Variants in CNTNAP2 observed in about 807,000 individuals in gnomAD.
CNTNAP2 encodes the protein contactin associated protein 2.
CNTNAP2 carries 98 observed loss-of-function variants against 155.2 expected under a neutral mutation model. That is an observed-to-expected ratio of 0.63 (90% CI 0.54 to 0.75). CNTNAP2 has a LOEUF of 0.75. CNTNAP2 is among the 30% of genes least tolerant of loss of function. The pLI is 0.00. For synonymous variants in CNTNAP2, 651 were observed against 631.2 expected (o/e 1.03, Z -0.47); for missense variants, 1,727 against 1,688.1 (o/e 1.02, Z -0.40).
At chr7:147,157,879 G>GT (rs1315251270) in intron 8 of CNTNAP2, among the ~76,000 whole-genome samples, 1 of 151,890 alleles carries the variant, frequency 6.6e-6, no homozygotes. Flanking sequence ...TAATTCAAAG[G>GT]TTTATATTCT....
intron 22 of CNTNAP2, among the ~76,000 whole-genome samples, chr7:148,398,736 C>T (rs1032069705): frequency 3.9e-5 from 6 of 152,120 alleles, no homozygotes; most frequent in Non-Finnish European, 5.9e-5. Flanking sequence ...AGTCCAAAGC[C>T]CTTACTGATA....
chr7:147,283,179 A>T (rs1805084697), intron 8 of CNTNAP2, among the ~76,000 whole-genome samples: 1 of 151,952 alleles, frequency 6.6e-6, no homozygotes, highest in Non-Finnish European at 1.5e-5. Context: ...TTTTAAAGAT[A>T]ACAGTGACTC....
At chr7:147,632,046 C>T (rs1179653346) in intron 12 of CNTNAP2, among the ~76,000 whole-genome samples, 1 of 152,112 alleles carries the variant, frequency 6.6e-6, no homozygotes, top group South Asian at 2.1e-4. Flanking sequence ...AAACAGACAA[C>T]CCACAGTGGG....
intron 13 of CNTNAP2, among the ~76,000 whole-genome samples, chr7:147,705,454 G>T (rs1740930336): frequency 6.6e-6 from 1 of 152,066 alleles, no homozygotes; most frequent in South Asian, 2.1e-4. Flanking sequence ...CTTCAGACTT[G>T]TTCTGTTTCC....
chr7:147,817,503 T>G (rs926784688), intron 13 of CNTNAP2, among the ~76,000 whole-genome samples: 1 of 152,174 alleles, frequency 6.6e-6, no homozygotes, highest in Non-Finnish European at 1.5e-5. Flanking sequence ...GCAGTGTATA[T>G]TGCTCAGTTG....
At chr7:146,401,337 G>A (rs1795710609) in intron 1 of CNTNAP2, among the ~76,000 whole-genome samples, 1 of 152,098 alleles carries the variant, frequency 6.6e-6, no homozygotes, top group Admixed American at 6.5e-5. Flanking sequence ...GCAAGTAACG[G>A]AGCTGGTGGC....
At chr7:146,830,011 C>T (rs968648412) in intron 2 of CNTNAP2, among the ~76,000 whole-genome samples, 6 of 151,966 alleles carry the variant, frequency 3.9e-5, no homozygotes, top group Non-Finnish European at 7.4e-5. Context: ...CTTGTTTATA[C>T]ATTAACAAAA....
At chr7:146,132,271 A>G (rs1797725434) in intron 1 of CNTNAP2, among the ~76,000 whole-genome samples, 1 of 152,132 alleles carries the variant, frequency 6.6e-6, no homozygotes, top group South Asian at 2.1e-4. Context: ...CAGAGTTGGT[A>G]TTGGGGAGGT....
At chr7:146,270,571 A>ATT (rs1800065832) in intron 1 of CNTNAP2, among the ~76,000 whole-genome samples, 1 of 152,166 alleles carries the variant, frequency 6.6e-6, no homozygotes, top group Admixed American at 6.5e-5. Context: ...AAAGAAGATA[A>ATT]CTTTTAAACA....
At chr7:146,263,817 G>A (rs1159064134) in intron 1 of CNTNAP2, among the ~76,000 whole-genome samples, 1 of 152,252 alleles carries the variant, frequency 6.6e-6, no homozygotes, top group East Asian at 1.9e-4. Flanking sequence ...ACATCTCAAT[G>A]TTCACCCATT....
intron 3 of CNTNAP2, among the ~76,000 whole-genome samples, chr7:146,989,873 T>C (rs917047134): frequency 3.9e-5 from 6 of 152,050 alleles, no homozygotes; most frequent in Non-Finnish European, 8.8e-5. Flanking sequence ...ATAGGTGTTG[T>C]CACCCCAATC....
chr7:148,226,460 G>A (rs1184028302), intron 19 of CNTNAP2, among the ~76,000 whole-genome samples: 1 of 152,028 alleles, frequency 6.6e-6, no homozygotes, highest in African/African-American at 2.4e-5. Flanking sequence ...GGCTGCAGCT[G>A]GCACCAAGGA....
chr7:147,273,167 G>T (rs564135572), intron 8 of CNTNAP2, among the ~76,000 whole-genome samples: 37 of 152,196 alleles, frequency 2.4e-4, no homozygotes, highest in African/African-American at 8.7e-4. Flanking sequence ...CAATCTAAAC[G>T]GGCGGGATTG....
At chr7:147,183,621 A>G (rs916067327) in intron 8 of CNTNAP2, among the ~76,000 whole-genome samples, 2 of 152,150 alleles carry the variant, frequency 1.3e-5, no homozygotes, top group African/African-American at 4.8e-5. Flanking sequence ...ATGTAACAAA[A>G]TAGTGTGAAA....
At chr7:147,592,734 A>G (rs1160963341) in intron 12 of CNTNAP2, among the ~76,000 whole-genome samples, 1 of 152,216 alleles carries the variant, frequency 6.6e-6, no homozygotes, top group Non-Finnish European at 1.5e-5. Flanking sequence ...AAAATGCATA[A>G]CAAGGCATAG....
In CNTNAP2 at chr7:146,352,786, T is replaced by G. The variant is rs367991911; in HGVS notation, c.97+235813T>G. ...TTTTTTTTTTTCGAGACAGAGTCTC[T>G]CTCTGTCGCCCAGGCTGGAGTTCAG... On this transcript the variant is annotated intron_variant, in intron 1 of 23. Coordinates refer to ENST00000361727, the MANE Select transcript of CNTNAP2 (RefSeq NM_014141.6). Among the ~76,000 whole-genome samples, 62 of 128,438 alleles carry G rather than the reference T, an allele frequency of 4.8e-4. No homozygotes were observed. In the East Asian group the frequency reaches 8.0e-3, roughly 17 times the overall value. 84.3% of individuals were successfully genotyped at this position (128,438 alleles called of 152,430 possible). A position where few individuals can be genotyped will look rare whatever the true frequency, so the allele number is the denominator to read the frequency against.
chr7:147,108,080 A>ACACC, intron 4 of CNTNAP2, 67 bp from the exon 5 acceptor site: 1 of 1,365,420 alleles, frequency 7.3e-7, no homozygotes, highest in South Asian at 1.2e-5. Context: ...TTCTTTGCAG[A>ACACC]CACCTGTTGG....
Position 147,561,421 on chromosome 7 carries a change from G to A in CNTNAP2, c.1778-717G>A, listed in dbSNP as rs575256293. Among the ~76,000 whole-genome samples, 54 of 152,230 alleles carry A rather than the reference G, an allele frequency of 3.5e-4. No homozygotes were observed. In the South Asian group the frequency reaches 6.6e-3, roughly 19 times the overall value. On this transcript the variant is annotated intron_variant, in intron 11 of 23. Coordinates refer to ENST00000361727, the MANE Select transcript of CNTNAP2 (RefSeq NM_014141.6). ...CTACAAAGGAGATATGTAAATGTCC[G>A]TTTTGTACTTCTGAAAACAGGTGCA...
At chr7:146,392,818 A>G (rs916454921) in intron 1 of CNTNAP2, among the ~76,000 whole-genome samples, 5 of 128,010 alleles carry the variant, frequency 3.9e-5, no homozygotes, top group African/African-American at 1.7e-4. Flanking sequence ...GTGCCTTCAT[A>G]TAAAGACTCT....
Sources: gnomAD v4.1 joint callset for allele counts (sites outside exome capture counted in the v4.1 genomes callset) on GRCh38, gnomAD v4.1.1 for gene constraint, MANE v1.5 for transcripts, NCBI Gene and HGNC (gene_info 2026-07-23, HGNC 2026-07-21) for gene names.